MLLT3: variants seen among roughly 807,000 people sequenced by gnomAD.
The protein encoded by MLLT3 is protein AF-9.
MLLT3 carries 4 observed loss-of-function variants against 53.2 expected under a neutral mutation model. That is an observed-to-expected ratio of 0.08 (90% confidence interval 0.04 to 0.17). The LOEUF is 0.17. Among genes scored for constraint, MLLT3 ranks in the 10% least tolerant of loss-of-function variants. MLLT3 has a pLI of 1.00. For synonymous variants in MLLT3, 283 were observed against 230.6 expected, an observed-to-expected ratio of 1.23 and a Z score of -2.06; for missense variants, 569 against 684.0, an observed-to-expected ratio of 0.83 and a Z score of 1.87.
At chr9:20,449,530 C>G (rs1218537147) in intron 3 of MLLT3, among the ~76,000 whole-genome samples, 2 of 152,200 alleles carry the variant, frequency 1.3e-5, no homozygotes, top group Non-Finnish European at 2.9e-5. Flanking sequence ...TCGCTGCTCT[C>G]TTTGGGGCAG....
chr9:20,555,476 G>A (rs1819034037), intron 2 of MLLT3, among the ~76,000 whole-genome samples: 1 of 152,120 alleles, frequency 6.6e-6, no homozygotes, highest in African/African-American at 2.4e-5. Flanking sequence ...CCATAAAGCT[G>A]AGAAAACATA....
intron 2 of MLLT3, among the ~76,000 whole-genome samples, chr9:20,601,511 G>C (rs1820419348): frequency 6.6e-6 from 1 of 152,162 alleles, no homozygotes; most frequent in Non-Finnish European, 1.5e-5. Context: ...TGTCTACTAA[G>C]ATAGAGTTGG....
chr9:20,343,439 G>C lies in MLLT3; in HGVS notation c.*3004C>G, dbSNP rs1820790441. On this transcript the variant is annotated 3_prime_UTR_variant, in exon 11 of 11. Coordinates refer to ENST00000380338, the MANE Select transcript of MLLT3 (RefSeq NM_004529.4). ...ACCTATTTGTCTGTATTAAGATTGA[G>C]AGAGAGGCAGATTATGCTGAGGATG... The C allele has an allele frequency of 4.5e-6, 1 of 221,912 alleles. No homozygotes were observed. Among genetic ancestry groups the C allele is most frequent in the South Asian group, 1.8e-4 (1 of 5,412 alleles). 13.7% of individuals were successfully genotyped at this position (221,912 alleles called of 1,614,324 possible).
At position 20,534,156 on chromosome 9, in the gene MLLT3, G is replaced by A. The variant is rs368939258; in HGVS notation, c.194-77370C>T. Among the ~76,000 whole-genome samples the A allele has an allele frequency of 1.6e-4, 24 of 152,048 alleles. No homozygotes were observed. The South Asian group carries it at 5.0e-3, about 32-fold the overall frequency. ...ATTCAACAGTTATTATACAAAATAG[G>A]GATATTTCGAAAGAGAAATGTTTAG... On this transcript the variant is annotated intron_variant, in intron 2 of 10. Coordinates refer to ENST00000380338, the MANE Select transcript of MLLT3 (RefSeq NM_004529.4).
At chr9:20,495,414 G>T (rs1329982306) in intron 2 of MLLT3, among the ~76,000 whole-genome samples, 1 of 152,174 alleles carries the variant, frequency 6.6e-6, no homozygotes, top group African/African-American at 2.4e-5. Context: ...GGTTAAGGTA[G>T]AAGGCAGAAT....
intron 2 of MLLT3, among the ~76,000 whole-genome samples, chr9:20,511,274 GA>G (rs1337419373): frequency 2.0e-5 from 3 of 151,670 alleles, no homozygotes; most frequent in Non-Finnish European, 4.4e-5. Context: ...AAAACTTCAA[GA>G]AAAAAATAAA....
chr9:20,622,116 T>TC, intron 1 of MLLT3, 129 bp downstream of exon 1: 1 of 1,085,178 alleles, frequency 9.2e-7, no homozygotes, highest in Non-Finnish European at 1.3e-6. Context: ...AGGCGGCAGC[T>TC]CCCTGCAAGC....
chr9:20,430,561 AG>A (rs1823241389), intron 4 of MLLT3, among the ~76,000 whole-genome samples: 1 of 152,126 alleles, frequency 6.6e-6, no homozygotes, highest in Non-Finnish European at 1.5e-5. Flanking sequence ...TTTCCTATAT[AG>A]GAAAACATTT....
chr9:20,582,196 A>G (rs1819810018), intron 2 of MLLT3, among the ~76,000 whole-genome samples: 3 of 152,144 alleles, frequency 2.0e-5, no homozygotes. Context: ...TTGGGGTGGT[A>G]CATTTGCTAC....
chr9:20,613,341 T>C (rs546414157), intron 2 of MLLT3, among the ~76,000 whole-genome samples: 8 of 152,330 alleles, frequency 5.3e-5, no homozygotes, highest in Non-Finnish European at 8.8e-5. Flanking sequence ...CCTCTTCACG[T>C]TGATTTTAAG....
chr9:20,428,983 C>T (rs1243981206), intron 4 of MLLT3, among the ~76,000 whole-genome samples: 1 of 152,070 alleles, frequency 6.6e-6, no homozygotes, highest in African/African-American at 2.4e-5. Context: ...TTGAAATCTT[C>T]CTACAAAGAA....
At chr9:20,439,354 T>TCAAAAA (rs761625465) in intron 4 of MLLT3, among the ~76,000 whole-genome samples, 4 of 147,734 alleles carry the variant, frequency 2.7e-5, no homozygotes, top group Admixed American at 6.9e-5. Context: ...AGACTCCATC[T>TCAAAAA]CAAAAACAAA....
At chr9:20,504,805 C>G (rs1374465465) in intron 2 of MLLT3, among the ~76,000 whole-genome samples, 1 of 152,074 alleles carries the variant, frequency 6.6e-6, no homozygotes, top group African/African-American at 2.4e-5. Context: ...GGCCATTTCA[C>G]AATGTATACA....
chr9:20,353,747 A>G, intron 9 of MLLT3, 151 bp from the exon 10 acceptor site: 1 of 656,996 alleles, frequency 1.5e-6, no homozygotes. Flanking sequence ...CAGTGCCCAA[A>G]GGCCTCTGCA....
intron 2 of MLLT3, among the ~76,000 whole-genome samples, chr9:20,572,786 T>C (rs1395678178): frequency 6.6e-6 from 1 of 152,104 alleles, no homozygotes; most frequent in Admixed American, 6.6e-5. Flanking sequence ...GGAGCAAGAC[T>C]CCACCTCAAA....
intron 2 of MLLT3, among the ~76,000 whole-genome samples, chr9:20,462,377 T>C (rs1416177462): frequency 1.3e-5 from 2 of 152,316 alleles, no homozygotes; most frequent in East Asian, 3.9e-4. Context: ...GTATGTTGAG[T>C]TGTTCTCACC....
chr9:20,444,331 A>T (rs1014715781), intron 4 of MLLT3, among the ~76,000 whole-genome samples: 7 of 152,188 alleles, frequency 4.6e-5, no homozygotes, highest in Non-Finnish European at 8.8e-5. Context: ...GTGCTTCTCC[A>T]CAGAGTACAC....
intron 5 of MLLT3, among the ~76,000 whole-genome samples, chr9:20,405,526 G>A (rs1268245247): frequency 6.6e-6 from 1 of 152,132 alleles, no homozygotes; most frequent in African/African-American, 2.4e-5. Flanking sequence ...ATTCAGACCT[G>A]GATTCGAATT....
At chr9:20,491,158 A>C (rs1378637880) in intron 2 of MLLT3, among the ~76,000 whole-genome samples, 4 of 152,308 alleles carry the variant, frequency 2.6e-5, no homozygotes, top group African/African-American at 9.6e-5. Context: ...TACTAAAAAT[A>C]AATTCAAACC....
Sources: allele counts gnomAD v4.1 joint callset (sites outside exome capture counted in the v4.1 genomes callset), GRCh38; gene constraint gnomAD v4.1.1; transcripts MANE v1.5; gene names NCBI Gene and HGNC (gene_info 2026-07-23, HGNC 2026-07-21).